The following HDAC4 variants were observed in gnomAD, a reference collection of about 807,000 sequenced individuals.
HDAC4 encodes the protein histone deacetylase 4.
HDAC4 carries 16 observed loss-of-function variants against 135.1 expected under a neutral mutation model. The ratio of observed to expected loss-of-function variants is 0.12; its 90% confidence interval spans 0.08 to 0.18. The LOEUF is 0.18. Ranked by LOEUF, HDAC4 falls within the 10% of genes least tolerant of loss-of-function variation. The pLI, the probability that HDAC4 is intolerant of heterozygous loss-of-function variation, is 1.00. For synonymous variants in HDAC4, 685 were observed against 653.4 expected (o/e 1.05, Z -0.74); for missense variants, 1,143 against 1,511.8 (o/e 0.76, Z 4.05).
chr2:239,098,749 G>A (rs1026592729), intron 16 of HDAC4, among the ~76,000 whole-genome samples: 4 of 152,204 alleles, frequency 2.6e-5, no homozygotes, highest in African/African-American at 9.7e-5. Context: ...CCTCATTAGG[G>A]TTATGTTCAC....
intron 22 of HDAC4, among the ~76,000 whole-genome samples, chr2:239,075,968 C>T (rs556636763): frequency 6.6e-6 from 1 of 150,900 alleles, no homozygotes; most frequent in African/African-American, 2.4e-5. Context: ...CCACTCCCCT[C>T]AGCTTCCTGG....
At position 239,095,061 on chromosome 2, in the gene HDAC4, G is replaced by C. The variant is rs199709933; in HGVS notation, c.2234-5C>G. On this transcript the variant is annotated splice_region_variant and splice_polypyrimidine_tract_variant and intron_variant, in intron 16 of 26. Coordinates refer to ENST00000543185, the MANE Select transcript of HDAC4 (RefSeq NM_001378414.1). ...CGAACACGGAGGCGAGCGAGCCTGT[G>C]GGGGGGAGGGAGACGGTCAGAGAGG... is the stretch of plus-strand genomic sequence containing the variant. 6.0e-5 allele frequency: 97 copies of C among 1,612,994 alleles called. No individual in the cohort carries two copies. The highest frequency in any genetic ancestry group is 1.6e-4 in the Middle Eastern group (1 of 6,080).
chr2:239,237,596 A>AT (rs914659461), intron 2 of HDAC4, among the ~76,000 whole-genome samples: 74 of 150,160 alleles, frequency 4.9e-4, no homozygotes, highest in African/African-American at 1.4e-3. Flanking sequence ...AAAAAAACCC[A>AT]TTTTTTTATC....
At chr2:239,339,493 C>T (rs1692160777) in intron 2 of HDAC4, among the ~76,000 whole-genome samples, 1 of 152,232 alleles carries the variant, frequency 6.6e-6, no homozygotes, top group Admixed American at 6.5e-5. Context: ...ATGCTCTGAT[C>T]TGGACATGGG....
At chr2:239,084,088 G>T in intron 20 of HDAC4, 67 bp downstream of exon 20, 1 of 1,100,508 alleles carries the variant, frequency 9.1e-7, no homozygotes, top group Non-Finnish European at 1.4e-6. Context: ...CTGTCCACAC[G>T]CTGCTGTCCG....
Position 239,245,839 on chromosome 2 carries a change from A to G in HDAC4, c.23-9175T>C, listed in dbSNP as rs902195908. ...ATCTACCTAACTTGTTCCTTCACGA[A>G]TATCCCAACAGTCTTCAGTTCATCC... On this transcript the variant is annotated intron_variant, in intron 2 of 26. Coordinates refer to ENST00000543185, the MANE Select transcript of HDAC4 (RefSeq NM_001378414.1). This position sits in a 1 kb window ranked among gnomAD's most constrained non-coding sequence, Gnocchi z 4.4. Among the ~76,000 whole-genome samples the G allele has an allele frequency of 6.6e-6, 1 of 152,204 alleles. No homozygotes were observed. The highest frequency in any genetic ancestry group is 1.5e-5 in the Non-Finnish European group (1 of 68,038).
In HDAC4 at chr2:239,349,742, C is replaced by T. The variant is rs1692984327; in HGVS notation, c.22+2936G>A. Among the ~76,000 whole-genome samples, 3 of 152,316 alleles carry T rather than the reference C, an allele frequency of 2.0e-5. No homozygotes were observed. Among genetic ancestry groups the T allele is most frequent in the Middle Eastern group, 3.4e-3 (1 of 294 alleles). ...GGACCTCCGGGCGGAAGGGCAGACA[C>T]GGCAGGGAAAGATGACAGCGGACAG... On this transcript the variant is annotated intron_variant, in intron 2 of 26. Transcript: ENST00000543185. This position sits in a 1 kb window ranked among gnomAD's most constrained non-coding sequence, Gnocchi z 5.7.
intron 5 of HDAC4, among the ~76,000 whole-genome samples, chr2:239,168,766 G>T (rs890445240): frequency 6.6e-6 from 1 of 152,234 alleles, no homozygotes; most frequent in Admixed American, 6.5e-5. Context: ...GGGGCCTGCG[G>T]CCCTGCGTCC....
chr2:239,096,282 C>T (rs1009401322), intron 16 of HDAC4, among the ~76,000 whole-genome samples: 8 of 151,942 alleles, frequency 5.3e-5, no homozygotes, highest in African/African-American at 1.7e-4. Flanking sequence ...CTGGCACAGA[C>T]GAGAAGCTAA....
chr2:239,148,678 A>G (rs2152926984), intron 7 of HDAC4, among the ~76,000 whole-genome samples: 1 of 152,368 alleles, frequency 6.6e-6, no homozygotes, highest in Middle Eastern at 3.4e-3. Context: ...CTCATGCTCC[A>G]TGCACGACTT....
chr2:239,348,589 C>T (rs983998698), intron 2 of HDAC4, among the ~76,000 whole-genome samples: 3 of 152,244 alleles, frequency 2.0e-5, no homozygotes, highest in East Asian at 1.9e-4. Context: ...AGCAGGCCCC[C>T]GTGGGCTTTC....
intron 2 of HDAC4, among the ~76,000 whole-genome samples, chr2:239,247,029 T>C (rs2048506949): frequency 6.6e-6 from 1 of 152,174 alleles, no homozygotes; most frequent in Non-Finnish European, 1.5e-5. Context: ...AACACACAAA[T>C]AGCATCTCCA....
At chr2:239,301,416 C>G (rs2052253479) in intron 2 of HDAC4, among the ~76,000 whole-genome samples, 1 of 152,038 alleles carries the variant, frequency 6.6e-6, no homozygotes, top group South Asian at 2.1e-4. Flanking sequence ...GCCAGTGATG[C>G]CAGGCGAGGC....
intron 2 of HDAC4, among the ~76,000 whole-genome samples, chr2:239,297,543 G>A (rs551619556): frequency 6.2e-4 from 95 of 152,352 alleles, no homozygotes; most frequent in African/African-American, 2.1e-3. Context: ...GCGGTGCTGT[G>A]CTGCGGTTTC....
intron 2 of HDAC4, among the ~76,000 whole-genome samples, chr2:239,310,460 T>G (rs918284835): frequency 2.6e-5 from 4 of 152,142 alleles, no homozygotes; most frequent in African/African-American, 9.7e-5. Context: ...ACAGTGTGTC[T>G]GTGAGAGAGT....
At chr2:239,344,070 A>G (rs1692467444) in intron 2 of HDAC4, among the ~76,000 whole-genome samples, 1 of 152,184 alleles carries the variant, frequency 6.6e-6, no homozygotes, top group East Asian at 1.9e-4. Context: ...TGAGTTTTGA[A>G]CACCTATGGT....
chr2:239,173,480 A>G (rs2043576718), intron 5 of HDAC4, among the ~76,000 whole-genome samples: 1 of 152,214 alleles, frequency 6.6e-6, no homozygotes, highest in African/African-American at 2.4e-5. Context: ...CCCCGAGCAA[A>G]CAAGGAATGG....
intron 2 of HDAC4, among the ~76,000 whole-genome samples, chr2:239,338,349 C>G (rs920861111): frequency 2.0e-5 from 3 of 151,878 alleles, no homozygotes; most frequent in Non-Finnish European, 4.4e-5. Context: ...TCGTTACCCT[C>G]TCCTCCCGCT....
chr2:239,291,083 G>A (rs753362565), intron 2 of HDAC4, among the ~76,000 whole-genome samples: 4 of 152,250 alleles, frequency 2.6e-5, no homozygotes, highest in Non-Finnish European at 4.4e-5. Context: ...CAGGGAGGAC[G>A]GCAGGTTTTA....
Sources: allele counts gnomAD v4.1 joint callset (sites outside exome capture counted in the v4.1 genomes callset), GRCh38; gene constraint gnomAD v4.1.1; non-coding constraint Gnocchi (gnomAD v3.1); transcripts MANE v1.5; gene names NCBI Gene and HGNC (gene_info 2026-07-23, HGNC 2026-07-21).